RAB23: variants seen among roughly 807,000 people sequenced by gnomAD.
RAB23 encodes the protein ras-related protein Rab-23.
A neutral mutation model predicts 30.0 loss-of-function variants in RAB23; 15 were observed. That is an observed-to-expected ratio of 0.50 (90% CI 0.33 to 0.77). The LOEUF (loss-of-function observed/expected upper bound fraction) is 0.77, where lower values mean the gene tolerates loss of function less well. RAB23 is among the 30% of genes least tolerant of loss of function. RAB23 has a pLI of 0.02. For synonymous variants in RAB23, 93 were observed against 94.0 expected, an observed-to-expected ratio of 0.99 and a Z score of 0.06; for missense variants, 243 against 275.4, an observed-to-expected ratio of 0.88 and a Z score of 0.83.
chr6:57,197,253 C>T (rs1006116783), intron 3 of RAB23, among the ~76,000 whole-genome samples: 6 of 151,996 alleles, frequency 3.9e-5, no homozygotes, highest in Non-Finnish European at 8.8e-5. Context: ...TTGGGGGAAA[C>T]TTAGTTTTAC....
At chr6:57,202,151 A>T (rs1161483172) in intron 3 of RAB23, among the ~76,000 whole-genome samples, 1 of 152,214 alleles carries the variant, frequency 6.6e-6, no homozygotes, top group East Asian at 1.9e-4. Context: ...TATATGGCAT[A>T]GTGTTTCTAC....
intron 2 of RAB23, among the ~76,000 whole-genome samples, chr6:57,207,956 T>C (rs1344089858): frequency 1.3e-5 from 2 of 152,168 alleles, no homozygotes; most frequent in East Asian, 1.9e-4. Context: ...AAAAAACTCA[T>C]AAGCTGAACT....
rs1764771583 is a variant in RAB23, at chr6:57,189,935, A to C, written c.*526T>G. The C allele has an allele frequency of 5.8e-6, 1 of 171,870 alleles. No homozygotes were observed. Among genetic ancestry groups the C allele is most frequent in the Non-Finnish European group, 1.3e-5 (1 of 79,278 alleles). 10.6% of individuals were successfully genotyped at this position (171,870 alleles called of 1,614,324 possible). On this transcript the variant is annotated 3_prime_UTR_variant, in exon 7 of 7. Coordinates refer to ENST00000468148, the MANE Select transcript of RAB23 (RefSeq NM_016277.5). ...TACCAGACATCTGCATGCACACCCCACATTCTACATTACACAGATATTGCA... is the reference window on the plus strand; with the variant it reads ...TACCAGACATCTGCATGCACACCCCCCATTCTACATTACACAGATATTGCA...
intron 1 of RAB23, among the ~76,000 whole-genome samples, chr6:57,218,308 A>C (rs1173769551): frequency 6.6e-6 from 1 of 152,246 alleles, no homozygotes; most frequent in Non-Finnish European, 1.5e-5. Context: ...AATCTTCAAC[A>C]AAGTATTAAT....
chr6:57,190,628 T>G, intron 6 of RAB23, 28 bp from the exon 7 acceptor site: 1 of 1,612,932 alleles, frequency 6.2e-7, no homozygotes, highest in Non-Finnish European at 8.5e-7. Flanking sequence ...AAAGAGTGAT[T>G]GCCACTGACA....
chr6:57,194,866 T>A lies in RAB23; in HGVS notation c.399-14A>T, dbSNP rs974936952. On this transcript the variant is annotated splice_polypyrimidine_tract_variant and intron_variant, in intron 4 of 6. Coordinates refer to ENST00000468148, the MANE Select transcript of RAB23 (RefSeq NM_016277.5). Reference sequence around the variant, plus strand: ...TCAGCTTCCTCACTGCACATCAATTTAAAAAAAAATGCTTTACAAAGGTGC... The same window carrying A: ...TCAGCTTCCTCACTGCACATCAATTAAAAAAAAAATGCTTTACAAAGGTGC... 6.3e-6 allele frequency: 10 copies of A among 1,584,124 alleles called. No homozygotes were observed. The highest frequency in any genetic ancestry group is 1.7e-5 in the Admixed American group (1 of 59,072).
Position 57,194,830 on chromosome 6 carries a change from T to C in RAB23, c.421A>G (p.Lys141Glu). Residue 141 changes from lysine (K) to glutamate (E), a missense_variant, in exon 5 of 7, where the codon AAA becomes GAA. Transcript: ENST00000468148. ...IKNEEAEALA[K>E]RLKLRFYRTS... ...CTGTAGAATCTTAACTTTAACCTTT[T>C]TGCCAGTGCCTCAGCTTCCTCACTG... 1.2e-6 allele frequency: 2 copies of C among 1,613,530 alleles called. No homozygotes were observed. Among genetic ancestry groups the C allele is most frequent in the South Asian group, 1.1e-5 (1 of 91,036 alleles).
rs1183648170 is a variant in RAB23, at chr6:57,189,828, A to G, written c.*633T>C. On this transcript the variant is annotated 3_prime_UTR_variant, in exon 7 of 7. Coordinates refer to ENST00000468148, the MANE Select transcript of RAB23 (RefSeq NM_016277.5). ...ATCATTTGAAAATAAAAACATATACACAATATGTAAATGGTTTTATAAGTG... is the reference window on the plus strand; with the variant it reads ...ATCATTTGAAAATAAAAACATATACGCAATATGTAAATGGTTTTATAAGTG... The G allele has an allele frequency of 6.5e-6, 1 of 153,370 alleles. No homozygotes were observed. Among genetic ancestry groups the G allele is most frequent in the Non-Finnish European group, 1.5e-5 (1 of 68,554 alleles). 9.5% of individuals were successfully genotyped at this position (153,370 alleles called of 1,614,324 possible).
At chr6:57,216,321 A>G (rs1005509120) in intron 1 of RAB23, among the ~76,000 whole-genome samples, 14 of 152,240 alleles carry the variant, frequency 9.2e-5, no homozygotes, top group African/African-American at 3.4e-4. Flanking sequence ...TAATACCAAG[A>G]ACAACCACTA....
intron 6 of RAB23, among the ~76,000 whole-genome samples, chr6:57,191,334 T>A (rs1037986010): frequency 2.0e-5 from 3 of 152,242 alleles, no homozygotes; most frequent in Non-Finnish European, 4.4e-5. Context: ...ATATATAAGC[T>A]AAAATGCATA....
intron 1 of RAB23, among the ~76,000 whole-genome samples, chr6:57,214,961 A>G (rs1765782977): frequency 6.6e-6 from 1 of 152,236 alleles, no homozygotes; most frequent in Admixed American, 6.5e-5. Context: ...AAAAATAAAG[A>G]GTCTCAAAAA....
intron 2 of RAB23, 114 bp downstream of exon 2, chr6:57,210,112 T>C: frequency 9.2e-7 from 1 of 1,090,232 alleles, no homozygotes; most frequent in Non-Finnish European, 1.4e-6. Flanking sequence ...GCATGAGCAT[T>C]GCCACTAGTT....
Position 57,219,287 on chromosome 6 carries a change from A to C in RAB23, c.-66+2439T>G, listed in dbSNP as rs1339297030. On this transcript the variant is annotated intron_variant, in intron 1 of 6. Coordinates refer to ENST00000468148, the MANE Select transcript of RAB23 (RefSeq NM_016277.5). ...GGTATAAATGTAACAAAACATGTAC[A>C]CAATCTGTATGCTGAAAACTACAAA... 2.0e-5 allele frequency among the ~76,000 whole-genome samples: 3 copies of C among 152,384 alleles called. No homozygotes were observed. The East Asian group carries it at 5.8e-4, about 29-fold the overall frequency.
At chr6:57,211,083 G>T (rs533584361) in intron 1 of RAB23, among the ~76,000 whole-genome samples, 42 of 152,296 alleles carry the variant, frequency 2.8e-4, no homozygotes, top group African/African-American at 9.9e-4. Context: ...GAGGCTATGT[G>T]TATAAGGCAT....
intron 4 of RAB23, among the ~76,000 whole-genome samples, chr6:57,195,445 T>G (rs760542780): frequency 5.3e-5 from 8 of 152,222 alleles, no homozygotes; most frequent in Non-Finnish European, 1.2e-4. Flanking sequence ...CCATGCCCCA[T>G]AGGCTCCCGC....
chr6:57,212,188 A>G (rs1166232856), intron 1 of RAB23, among the ~76,000 whole-genome samples: 1 of 152,040 alleles, frequency 6.6e-6, no homozygotes, highest in African/African-American at 2.4e-5. Context: ...TGCACTGTCC[A>G]CTCCTGTTGA....
chr6:57,198,693 A>G (rs12194288), intron 3 of RAB23, among the ~76,000 whole-genome samples: 18,109 of 152,016 alleles, frequency 0.12, 1,351 homozygotes, highest in Middle Eastern at 0.18. Flanking sequence ...AAAAAAAAAA[A>G]AATTTGTTCT....
At chr6:57,213,156 T>C (rs1765715308) in intron 1 of RAB23, among the ~76,000 whole-genome samples, 1 of 152,116 alleles carries the variant, frequency 6.6e-6, no homozygotes, top group African/African-American at 2.4e-5. Flanking sequence ...CATGTGCAGT[T>C]CTCAATAGAG....
Position 57,190,662 on chromosome 6 carries a change from A to AGCTT in RAB23, c.575-66_575-63dup. 5 of 1,557,296 alleles carry AGCTT rather than the reference A, an allele frequency of 3.2e-6. No individual in the cohort carries two copies. The South Asian group carries it at 5.6e-5, about 17-fold the overall frequency. On this transcript the variant is annotated intron_variant, in intron 6 of 6. Transcript: ENST00000468148. ...CACGCCTGAGTTACCTGTTGCATCC[A>AGCTT]GCTTGTTAGTAAAATCAGTAATATT...
Sources: allele counts gnomAD v4.1 joint callset (sites outside exome capture counted in the v4.1 genomes callset), GRCh38; gene constraint gnomAD v4.1.1; transcripts MANE v1.5; gene names NCBI Gene and HGNC (gene_info 2026-07-23, HGNC 2026-07-21).